SORCS3: variants seen among roughly 807,000 people sequenced by gnomAD.
The protein encoded by SORCS3 is sortilin related VPS10 domain containing receptor 3, also known as VPS10 domain-containing receptor SorCS3.
Under a neutral mutation model 146.3 loss-of-function variants are expected in SORCS3, and 57 were observed. The ratio of observed to expected loss-of-function variants is 0.39; its 90% CI spans 0.31 to 0.49. The LOEUF is 0.49. Among genes scored for constraint, SORCS3 ranks in the 20% least tolerant of loss-of-function variants. The probability of loss-of-function intolerance (pLI) is 0.92; values close to 1 mark genes in which losing one functional copy is unlikely to be tolerated. For missense variants in SORCS3, 1,341 were observed against 1,575.5 expected (o/e 0.85, Z 2.52); for synonymous variants, 653 against 618.5 (o/e 1.06, Z -0.83).
intron 2 of SORCS3, among the ~76,000 whole-genome samples, chr10:104,897,308 A>G (rs963346403): frequency 6.6e-6 from 1 of 152,146 alleles, no homozygotes; most frequent in Non-Finnish European, 1.5e-5. Flanking sequence ...ACTATTTAAT[A>G]CCTTTCCCAG....
At chr10:105,075,541 T>C (rs2055583361) in intron 5 of SORCS3, among the ~76,000 whole-genome samples, 1 of 152,142 alleles carries the variant, frequency 6.6e-6, no homozygotes, top group African/African-American at 2.4e-5. Context: ...CCTCTCCTAA[T>C]GGGTGTGGTC....
chr10:105,101,107 A>G (rs1343846238), intron 6 of SORCS3, among the ~76,000 whole-genome samples: 3 of 152,246 alleles, frequency 2.0e-5, no homozygotes, highest in African/African-American at 7.2e-5. Context: ...TAAAAAACAA[A>G]TAAGAAGGCC....
chr10:104,977,928 C>T (rs1189318118), intron 4 of SORCS3, among the ~76,000 whole-genome samples: 1 of 151,936 alleles, frequency 6.6e-6, no homozygotes, highest in Non-Finnish European at 1.5e-5. Flanking sequence ...GACGGGGTTT[C>T]ACCAAGTTGG....
At chr10:104,831,136 A>G (rs997629703) in intron 1 of SORCS3, among the ~76,000 whole-genome samples, 17 of 152,166 alleles carry the variant, frequency 1.1e-4, no homozygotes, top group Non-Finnish European at 2.9e-5. Context: ...CCAAGCCACG[A>G]CAAATTATAC....
Position 104,641,987 on chromosome 10 carries a change from T to A in SORCS3, c.627+33T>A. 2 of 641,686 alleles carry A rather than the reference T, an allele frequency of 3.1e-6. No homozygotes were observed. The highest frequency in any genetic ancestry group is 3.0e-5 in the South Asian group (2 of 67,672). 39.7% of individuals were successfully genotyped at this position (641,686 alleles called of 1,614,324 possible). A position where few individuals can be genotyped will look rare whatever the true frequency, so the allele number is the denominator to read the frequency against. On this transcript the variant is annotated intron_variant, in intron 1 of 26. Coordinates refer to ENST00000369701, the MANE Select transcript of SORCS3 (RefSeq NM_014978.3). This position sits in a 1 kb window ranked among gnomAD's most constrained non-coding sequence, Gnocchi z 6.4. The stretch of plus-strand genomic sequence containing the variant: ...CCCACCCGGCGGCGGGTCCGCCTGT[T>A]TCCTGACACCGAAGGGGAATGGGGG...
chr10:105,202,790 C>T (rs182299509), intron 16 of SORCS3, among the ~76,000 whole-genome samples: 11 of 152,250 alleles, frequency 7.2e-5, no homozygotes, highest in East Asian at 3.9e-4. Flanking sequence ...CATAGCACTC[C>T]GATCCCAGCT....
chr10:105,196,046 C>T (rs1372934957), intron 14 of SORCS3, among the ~76,000 whole-genome samples: 1 of 133,448 alleles, frequency 7.5e-6, no homozygotes, highest in Non-Finnish European at 1.7e-5. Flanking sequence ...CAAAACAGAA[C>T]AATCGAACAA....
intron 10 of SORCS3, 125 bp from the exon 11 acceptor site, chr10:105,158,767 T>C (rs2056234203): frequency 1.4e-6 from 1 of 703,044 alleles, no homozygotes; most frequent in Non-Finnish European, 2.5e-6. Context: ...CCCAAAACTG[T>C]GTGACTCACC....
chr10:104,717,597 T>C (rs900542478), intron 1 of SORCS3, among the ~76,000 whole-genome samples: 6 of 152,044 alleles, frequency 3.9e-5, no homozygotes, highest in African/African-American at 1.4e-4. Context: ...GATGATCACA[T>C]AGAAAACCCT....
chr10:105,075,135 G>A (rs1163009146), intron 5 of SORCS3, among the ~76,000 whole-genome samples: 2 of 152,088 alleles, frequency 1.3e-5, no homozygotes, highest in African/African-American at 4.8e-5. Context: ...CTTCCAGTCA[G>A]TACCACATAA....
intron 1 of SORCS3, among the ~76,000 whole-genome samples, chr10:104,782,383 T>C (rs1021487401): frequency 6.6e-6 from 1 of 152,076 alleles, no homozygotes; most frequent in Admixed American, 6.6e-5. Flanking sequence ...TGGTCTGCCC[T>C]TTGTTGAGGC....
intron 14 of SORCS3, among the ~76,000 whole-genome samples, chr10:105,181,598 C>T (rs2056443337): frequency 6.6e-6 from 1 of 152,184 alleles, no homozygotes; most frequent in Admixed American, 6.6e-5. Flanking sequence ...AGACAGTCCC[C>T]AGAGTGGAGG....
Position 104,915,856 on chromosome 10 carries a change from A to T in SORCS3, c.719A>T (p.Tyr240Phe). ...AGGTCGACAGATTATGGCACCACCTATGAAAAGCTGAATGACAAAGTGGGT... is the reference window on the plus strand; with the variant it reads ...AGGTCGACAGATTATGGCACCACCTTTGAAAAGCTGAATGACAAAGTGGGT... ...LWRSTDYGTT[Y>F]EKLNDKVGLK... Residue 240 changes from tyrosine (Y) to phenylalanine (F), a missense_variant, in exon 3 of 27, where the codon TAT becomes TTT. By Grantham distance (22) the Tyr-to-Phe change is conservative (BLOSUM62 3). Transcript: ENST00000369701. 1 of 1,614,064 alleles carries T rather than the reference A, an allele frequency of 6.2e-7. No homozygotes were observed. The highest frequency in any genetic ancestry group is 1.1e-5 in the South Asian group (1 of 91,082).
chr10:105,207,483 C>T (rs7896413), intron 16 of SORCS3, among the ~76,000 whole-genome samples: 49,067 of 151,708 alleles, frequency 0.32, 8,046 homozygotes, highest in South Asian at 0.44. Flanking sequence ...TTGCAGAATC[C>T]GCAGCAGTAG....
intron 1 of SORCS3, among the ~76,000 whole-genome samples, chr10:104,686,222 C>A (rs2016041740): frequency 6.6e-6 from 1 of 152,092 alleles, no homozygotes; most frequent in African/African-American, 2.4e-5. Flanking sequence ...TGAGCAGGGG[C>A]CTGGCTTTCC....
intron 4 of SORCS3, among the ~76,000 whole-genome samples, chr10:104,990,075 G>T (rs567066393): frequency 6.6e-6 from 1 of 152,234 alleles, no homozygotes; most frequent in South Asian, 2.1e-4. Flanking sequence ...CTTTGCCTGA[G>T]GGCTTTCTCT....
At chr10:104,772,779 C>A (rs2017266818) in intron 1 of SORCS3, among the ~76,000 whole-genome samples, 2 of 152,168 alleles carry the variant, frequency 1.3e-5, no homozygotes, top group South Asian at 4.1e-4. Flanking sequence ...TTCCTGGAAG[C>A]CTTTTCTGAT....
chr10:104,857,934 T>A (rs1211473475), intron 2 of SORCS3, among the ~76,000 whole-genome samples: 1 of 152,204 alleles, frequency 6.6e-6, no homozygotes, highest in Non-Finnish European at 1.5e-5. Context: ...ACTGTAACAA[T>A]GCAAACGGAA....
intron 3 of SORCS3, among the ~76,000 whole-genome samples, chr10:104,938,381 T>C (rs2019280312): frequency 6.6e-6 from 1 of 152,194 alleles, no homozygotes; most frequent in Admixed American, 6.5e-5. Context: ...CCTGTAGGAT[T>C]CAGGCCAAAC....
Sources: gnomAD v4.1 joint callset for allele counts (sites outside exome capture counted in the v4.1 genomes callset) on GRCh38, gnomAD v4.1.1 for gene constraint, Gnocchi (gnomAD v3.1) non-coding constraint, MANE v1.5 for transcripts, NCBI Gene and HGNC (gene_info 2026-07-23, HGNC 2026-07-21) for gene names.